Variants in ABCB4 observed in about 807,000 individuals in gnomAD.
ABCB4 encodes the protein phosphatidylcholine translocator ABCB4.
Under a neutral mutation model 145.7 loss-of-function variants are expected in ABCB4, and 76 were observed. The ratio of observed to expected loss-of-function variants is 0.52; its 90% confidence interval spans 0.43 to 0.63. The LOEUF (loss-of-function observed/expected upper bound fraction) is 0.63, where lower values mean the gene tolerates loss of function less well. Among genes scored for constraint, ABCB4 ranks in the 30% least tolerant of loss-of-function variants. ABCB4 has a pLI of 0.00. For missense variants in ABCB4, 1,234 were observed against 1,553.1 expected (o/e 0.79, Z 3.45); for synonymous variants, 517 against 566.8 (o/e 0.91, Z 1.25).
intron 8 of ABCB4, 114 bp from the exon 9 acceptor site, chr7:87,447,319 T>C (rs1811418914): frequency 1.9e-6 from 2 of 1,037,266 alleles, no homozygotes; most frequent in African/African-American, 3.2e-5. Flanking sequence ...GTCAAGGTAA[T>C]GAACCCATGG....
At chr7:87,372,985 G>A in the ABCB4 span, among the ~76,000 whole-genome samples, 2 of 152,004 alleles carry the variant, frequency 1.3e-5, no homozygotes, top group African/African-American at 4.8e-5. Context: ...TTTCTCTTGG[G>A]TATATTTTAG....
intron 17 of ABCB4, 89 bp downstream of exon 17, chr7:87,423,817 C>G (rs2116530530): frequency 6.4e-7 from 1 of 1,554,396 alleles, no homozygotes; most frequent in Non-Finnish European, 8.9e-7. Flanking sequence ...CTGCTTAATC[C>G]CAGAATGGAG....
chr7:87,422,887 G>T (rs1258613798), intron 17 of ABCB4, among the ~76,000 whole-genome samples: 1 of 152,200 alleles, frequency 6.6e-6, no homozygotes. Flanking sequence ...ACCGCTGTTT[G>T]AGGGCACAAC....
At chr7:87,465,456 T>A (rs534308648) in intron 3 of ABCB4, among the ~76,000 whole-genome samples, 1 of 152,222 alleles carries the variant, frequency 6.6e-6, no homozygotes, top group East Asian at 1.9e-4. Context: ...CCTGCCTCTG[T>A]AGACTCTGCC....
intron 16 of ABCB4, among the ~76,000 whole-genome samples, chr7:87,424,749 T>C (rs1809692479): frequency 6.6e-6 from 1 of 152,186 alleles, no homozygotes; most frequent in South Asian, 2.1e-4. Context: ...TTTTTTAAGG[T>C]AAAGATTATG....
At chr7:87,418,339 T>C (rs1202512014) in intron 20 of ABCB4, among the ~76,000 whole-genome samples, 198 bp downstream of exon 20, 2 of 152,338 alleles carry the variant, frequency 1.3e-5, no homozygotes, top group South Asian at 2.1e-4. Context: ...TGAGGGAACC[T>C]GGATTCTGGA....
the ABCB4 span, chr7:87,375,863 C>T: frequency 1.9e-6 from 3 of 1,613,404 alleles, no homozygotes; most frequent in Admixed American, 5.0e-5. Context: ...ATCCAGAGAA[C>T]TTGGCTTTGT....
In ABCB4 at chr7:87,443,703, T is replaced by G. The variant is rs765665155; in HGVS notation, c.1190A>C (p.Asn397Thr). ...PDSIKGNLEF[N>T]DVHFSYPSRA... ...AGAAGGGTAAGAAAAGTGAACATCATTGAACTCCAAATTCCCTTTGATGCT... is the reference window on the plus strand; with the variant it reads ...AGAAGGGTAAGAAAAGTGAACATCAGTGAACTCCAAATTCCCTTTGATGCT... The change falls in exon 11 of 28, where the codon AAT becomes ACT. Residue 397 changes from asparagine (N) to threonine (T), a missense_variant. By Grantham distance (65) the Asn-to-Thr change is moderately conservative. Coordinates refer to ENST00000649586, the MANE Select transcript of ABCB4 (RefSeq NM_000443.4). 1.9e-6 allele frequency: 3 copies of G among 1,614,066 alleles called. No individual in the cohort carries two copies. Among genetic ancestry groups the G allele is most frequent in the Non-Finnish European group, 2.5e-6 (3 of 1,179,970 alleles).
the ABCB4 span, chr7:87,392,506 T>A: frequency 3.0e-6 from 4 of 1,350,858 alleles, no homozygotes; most frequent in South Asian, 4.9e-5. Flanking sequence ...AGCTTAGGAT[T>A]TTTTTCTAGT....
chr7:87,383,584 C>T, the ABCB4 span, among the ~76,000 whole-genome samples: 4 of 151,296 alleles, frequency 2.6e-5, no homozygotes, highest in Admixed American at 1.3e-4. Context: ...CAACCTCTAC[C>T]TCCTGGGTTC....
At chr7:87,447,290 G>T in intron 8 of ABCB4, 85 bp from the exon 9 acceptor site, 1 of 1,351,754 alleles carries the variant, frequency 7.4e-7, no homozygotes, top group Non-Finnish European at 1.0e-6. Context: ...TATAGTTGGA[G>T]GTTTAAGTAA....
the ABCB4 span, among the ~76,000 whole-genome samples, chr7:87,372,018 A>G: frequency 6.6e-6 from 1 of 151,320 alleles, no homozygotes; most frequent in Non-Finnish European, 1.5e-5. Flanking sequence ...AAAAAAAAAA[A>G]AACAAAAAAA....
At chr7:87,373,163 A>G in the ABCB4 span, among the ~76,000 whole-genome samples, 1 of 151,988 alleles carries the variant, frequency 6.6e-6, no homozygotes, top group East Asian at 1.9e-4. Flanking sequence ...GTAAAGTGGG[A>G]TCTCGTTGTA....
intron 14 of ABCB4, among the ~76,000 whole-genome samples, chr7:87,431,772 C>T (rs150194755): frequency 4.6e-5 from 7 of 152,160 alleles, no homozygotes; most frequent in African/African-American, 1.7e-4. Flanking sequence ...TGGCTAACCC[C>T]TTCAGTAGGA....
intron 19 of ABCB4, among the ~76,000 whole-genome samples, chr7:87,419,795 A>C (rs1018979309): frequency 1.2e-4 from 12 of 96,718 alleles, no homozygotes; most frequent in South Asian, 5.2e-4. Flanking sequence ...TATGAAAAAA[A>C]ACAAAAACAA....
chr7:87,465,482 T>C (rs1212848962), intron 3 of ABCB4, among the ~76,000 whole-genome samples: 1 of 152,188 alleles, frequency 6.6e-6, no homozygotes, highest in East Asian at 1.9e-4. Context: ...GGGTAGGGCA[T>C]AGCTGAACAA....
chr7:87,446,969 AAAGAG>A, intron 9 of ABCB4, 60 bp downstream of exon 9: 1 of 1,449,548 alleles, frequency 6.9e-7, no homozygotes, highest in Non-Finnish European at 9.6e-7. Flanking sequence ...ATATCAAAGA[AAAGAG>A]AAGGTAGATG....
rs202146217 is a variant in ABCB4, at chr7:87,449,962, C to T, written c.833+6G>A. 636 of 1,614,128 alleles carry T rather than the reference C, an allele frequency of 3.9e-4. 3 individuals carry two copies. In the Admixed American group the frequency reaches 9.9e-3, roughly 25 times the overall value. ...CTTAAACCAGTGGCTAAAGAACCTT[C>T]CTGACCTTTCCAGCTCTTTGTTCTG... is the stretch of plus-strand genomic sequence containing the variant. On this transcript the variant is annotated splice_donor_region_variant and intron_variant, in intron 8 of 27. Transcript: ENST00000649586.
the ABCB4 span, among the ~76,000 whole-genome samples, chr7:87,388,193 A>G: frequency 7.0e-4 from 106 of 152,070 alleles, no homozygotes; most frequent in African/African-American, 2.5e-3. Context: ...CTGCTCTAAC[A>G]GTTGCCCCAA....
Sources: gnomAD v4.1 joint callset for allele counts (sites outside exome capture counted in the v4.1 genomes callset) on GRCh38, gnomAD v4.1.1 for gene constraint, MANE v1.5 for transcripts, NCBI Gene and HGNC (gene_info 2026-07-23, HGNC 2026-07-21) for gene names.